Variants in CAMKMT observed in about 807,000 individuals in gnomAD.
The protein encoded by CAMKMT is CaM KMT.
CAMKMT carries 53 observed loss-of-function variants against 48.0 expected under a neutral mutation model. The ratio of observed to expected loss-of-function variants is 1.10; its 90% CI spans 0.89 to 1.39. The LOEUF (loss-of-function observed/expected upper bound fraction) is 1.39, where lower values mean the gene tolerates loss of function less well. CAMKMT is among the 40% of genes most tolerant of loss of function. CAMKMT has a pLI of 0.00. For missense variants in CAMKMT, 428 were observed against 402.7 expected (o/e 1.06, Z -0.54); for synonymous variants, 165 against 152.3 (o/e 1.08, Z -0.61).
chr2:44,511,976 C>T (rs989895066), intron 3 of CAMKMT, among the ~76,000 whole-genome samples: 1 of 152,166 alleles, frequency 6.6e-6, no homozygotes, highest in Non-Finnish European at 1.5e-5. Flanking sequence ...CTTGTAATTT[C>T]AGACTTTAGA....
chr2:44,449,104 T>C (rs531529361), intron 3 of CAMKMT, among the ~76,000 whole-genome samples: 1 of 152,166 alleles, frequency 6.6e-6, no homozygotes, highest in East Asian at 1.9e-4. Flanking sequence ...ACCATTTAAC[T>C]GGGTGAACTT....
intron 10 of CAMKMT, among the ~76,000 whole-genome samples, chr2:44,771,239 A>G (rs1337068147): frequency 6.6e-6 from 1 of 152,172 alleles, no homozygotes; most frequent in African/African-American, 2.4e-5. Flanking sequence ...TTTTATTCTT[A>G]TAATCTAAAA....
chr2:44,770,001 A>G (rs1681039000), intron 10 of CAMKMT, among the ~76,000 whole-genome samples: 2 of 152,212 alleles, frequency 1.3e-5, no homozygotes, highest in African/African-American at 4.8e-5. Flanking sequence ...TTTAGTCCTC[A>G]AAGACCCTGT....
At chr2:44,452,537 AT>A (rs1223806575) in intron 3 of CAMKMT, among the ~76,000 whole-genome samples, 6 of 152,180 alleles carry the variant, frequency 3.9e-5, no homozygotes, top group South Asian at 4.1e-4. Flanking sequence ...ACACAAAAAA[AT>A]ATTACTATTG....
At chr2:44,458,820 T>G (rs1667707313) in intron 3 of CAMKMT, among the ~76,000 whole-genome samples, 1 of 152,224 alleles carries the variant, frequency 6.6e-6, no homozygotes, top group Non-Finnish European at 1.5e-5. Context: ...AAAGTGTTTT[T>G]TTTCTTCTTC....
intron 6 of CAMKMT, among the ~76,000 whole-genome samples, chr2:44,714,172 GGTT>G (rs1365745920): frequency 6.6e-6 from 1 of 152,154 alleles, no homozygotes; most frequent in Non-Finnish European, 1.5e-5. Context: ...GGTCTTTTGT[GGTT>G]GTTAGAGTTA....
intron 3 of CAMKMT, among the ~76,000 whole-genome samples, chr2:44,482,499 A>G (rs953344593): frequency 2.0e-5 from 3 of 152,170 alleles, no homozygotes; most frequent in African/African-American, 7.2e-5. Flanking sequence ...TTACCTGGGT[A>G]CTACATAAAT....
chr2:44,450,546 C>A (rs752311463), intron 3 of CAMKMT, among the ~76,000 whole-genome samples: 52 of 152,044 alleles, frequency 3.4e-4, no homozygotes, highest in Admixed American at 2.0e-3. Flanking sequence ...TTAAGAGAAT[C>A]TTGTATACAC....
intron 3 of CAMKMT, among the ~76,000 whole-genome samples, chr2:44,419,493 C>T (rs1434320436): frequency 1.3e-5 from 2 of 152,132 alleles, no homozygotes; most frequent in African/African-American, 2.4e-5. Flanking sequence ...AAAGGATGTT[C>T]GCAGCTTCTA....
chr2:44,423,405 C>G (rs1450680536), intron 3 of CAMKMT, among the ~76,000 whole-genome samples: 1 of 152,134 alleles, frequency 6.6e-6, no homozygotes, highest in Non-Finnish European at 1.5e-5. Context: ...GTCTCGAACT[C>G]CTGACCTCAA....
chr2:44,410,247 A>ATTTTTTTTTT (rs1164693728), intron 3 of CAMKMT, among the ~76,000 whole-genome samples: 2 of 19,468 alleles, frequency 1.0e-4, no homozygotes, highest in African/African-American at 1.7e-4. Context: ...ATATATATAT[A>ATTTTTTTTTT]TTTTTTTTTT....
intron 3 of CAMKMT, among the ~76,000 whole-genome samples, chr2:44,669,938 C>T (rs1388118303): frequency 6.6e-6 from 1 of 152,088 alleles, no homozygotes; most frequent in Non-Finnish European, 1.5e-5. Flanking sequence ...GTGCCTGGCT[C>T]ATTATGGTTT....
intron 3 of CAMKMT, among the ~76,000 whole-genome samples, chr2:44,671,274 T>A (rs772643046): frequency 2.0e-4 from 30 of 152,216 alleles, no homozygotes; most frequent in Non-Finnish European, 2.5e-4. Context: ...TCCTTTCCTG[T>A]CATCAGTTAG....
chr2:44,536,305 G>A (rs979667661), intron 3 of CAMKMT, among the ~76,000 whole-genome samples: 6 of 151,742 alleles, frequency 4.0e-5, no homozygotes, highest in Admixed American at 2.0e-4. Context: ...TAGATTCAAT[G>A]CAGTCCCTAT....
chr2:44,736,387 C>A (rs1342976450), intron 7 of CAMKMT, among the ~76,000 whole-genome samples: 4 of 152,156 alleles, frequency 2.6e-5, no homozygotes, highest in Non-Finnish European at 4.4e-5. Flanking sequence ...AATATGCTGT[C>A]ATCCTTATCT....
chr2:44,607,707 C>T (rs1353122370), intron 3 of CAMKMT, among the ~76,000 whole-genome samples: 1 of 152,076 alleles, frequency 6.6e-6, no homozygotes, highest in Non-Finnish European at 1.5e-5. Context: ...TTAGGTGCTT[C>T]ATTGGCTTTT....
At chr2:44,449,767 C>CT (rs1191999800) in intron 3 of CAMKMT, among the ~76,000 whole-genome samples, 13 of 152,102 alleles carry the variant, frequency 8.5e-5, no homozygotes, top group Admixed American at 8.5e-4. Flanking sequence ...TGAAATAACA[C>CT]TTTCACAAGT....
At chr2:44,462,713 C>A (rs1423309761) in intron 3 of CAMKMT, among the ~76,000 whole-genome samples, 1 of 151,980 alleles carries the variant, frequency 6.6e-6, no homozygotes, top group Non-Finnish European at 1.5e-5. Flanking sequence ...TAGGGAGTAT[C>A]TGTGTGCAAG....
chr2:44,457,679 T>G (rs1227453124), intron 3 of CAMKMT, among the ~76,000 whole-genome samples: 1 of 152,190 alleles, frequency 6.6e-6, no homozygotes, highest in Non-Finnish European at 1.5e-5. Flanking sequence ...ATTACAGGCA[T>G]GAGCCACCGT....
Sources: gnomAD v4.1 joint callset for allele counts (sites outside exome capture counted in the v4.1 genomes callset) on GRCh38, gnomAD v4.1.1 for gene constraint, MANE v1.5 for transcripts, NCBI Gene and HGNC (gene_info 2026-07-23, HGNC 2026-07-21) for gene names.